The following SLC35F1 variants were observed in gnomAD, a reference collection of about 807,000 sequenced individuals.
The protein encoded by SLC35F1 is solute carrier family 35 member F1.
Under a neutral mutation model 48.7 loss-of-function variants are expected in SLC35F1, and 14 were observed. The observed-to-expected ratio is 0.29, with a 90% CI of 0.19 to 0.45. The LOEUF (loss-of-function observed/expected upper bound fraction) is 0.45. SLC35F1 is among the 20% of genes least tolerant of loss of function. SLC35F1 has a pLI of 1.00. For synonymous variants in SLC35F1, 190 were observed against 202.2 expected, an observed-to-expected ratio of 0.94 and a Z score of 0.51; for missense variants, 404 against 500.0, an observed-to-expected ratio of 0.81 and a Z score of 1.83.
At chr6:118,294,287 T>G (rs754369942) in intron 7 of SLC35F1, among the ~76,000 whole-genome samples, 7 of 152,226 alleles carry the variant, frequency 4.6e-5, no homozygotes, top group Non-Finnish European at 1.0e-4. Context: ...ATTAGTCATT[T>G]TTGGCTGATT....
intron 2 of SLC35F1, among the ~76,000 whole-genome samples, chr6:118,156,250 A>C (rs1235493721): frequency 1.3e-5 from 2 of 152,078 alleles, no homozygotes; most frequent in Admixed American, 1.3e-4. Flanking sequence ...AAAAGCATGA[A>C]ACTGCGTAAA....
At chr6:118,235,716 A>C in intron 3 of SLC35F1, 80 bp downstream of exon 3, 1 of 1,464,176 alleles carries the variant, frequency 6.8e-7, no homozygotes, top group South Asian at 1.3e-5. Flanking sequence ...GAAAATCTCT[A>C]TACTACAAGT....
intron 7 of SLC35F1, among the ~76,000 whole-genome samples, chr6:118,288,617 T>A (rs1158253778): frequency 6.6e-6 from 1 of 152,136 alleles, no homozygotes; most frequent in East Asian, 1.9e-4. Flanking sequence ...AGATTGTAAA[T>A]GTTTCTTATC....
At chr6:118,050,697 G>C (rs749162056) in intron 1 of SLC35F1, among the ~76,000 whole-genome samples, 3 of 152,166 alleles carry the variant, frequency 2.0e-5, no homozygotes, top group Non-Finnish European at 4.4e-5. Context: ...AAGGGGAATG[G>C]GGACTAGCAG....
chr6:117,923,707 G>GCACATATGTACATATATGTATATA lies in SLC35F1; in HGVS notation c.173+15808_173+15809insCACATATGTACATATATGTATATA, dbSNP rs1775960664. On this transcript the variant is annotated intron_variant, in intron 1 of 7. Transcript: ENST00000360388. ...TATACATATGTACATATACATATAT[G>GCACATATGTACATATATGTATATA]TACATATATACATATATACATATGT... Among the ~76,000 whole-genome samples the GCACATATGTACATATATGTATATA allele has an allele frequency of 3.5e-5, 2 of 57,218 alleles. 1 individual carries two copies. The highest frequency in any genetic ancestry group is 1.0e-3 in the East Asian group (2 of 1,912). The allele number at this position is 57,218 out of a possible 152,430, so 37.5% of individuals were successfully genotyped here. A position where few individuals can be genotyped will look rare whatever the true frequency, so the allele number is the denominator to read the frequency against.
intron 1 of SLC35F1, among the ~76,000 whole-genome samples, chr6:118,068,510 T>C (rs1229435374): frequency 2.0e-5 from 3 of 152,234 alleles, no homozygotes; most frequent in South Asian, 4.1e-4. Flanking sequence ...AAATGGTTTT[T>C]CATTTTAATC....
chr6:117,933,546 G>A (rs1776127687), intron 1 of SLC35F1, among the ~76,000 whole-genome samples: 1 of 152,116 alleles, frequency 6.6e-6, no homozygotes, highest in South Asian at 2.1e-4. Flanking sequence ...CAGAACACTG[G>A]TTAGAACTGC....
chr6:117,908,133 C>G (rs1016075538), intron 1 of SLC35F1, among the ~76,000 whole-genome samples: 6 of 152,208 alleles, frequency 3.9e-5, no homozygotes, highest in African/African-American at 1.4e-4. Context: ...GGCGGGAGTT[C>G]GGGGAGAGGC....
At chr6:118,069,000 A>G (rs1367041120) in intron 1 of SLC35F1, among the ~76,000 whole-genome samples, 1 of 152,240 alleles carries the variant, frequency 6.6e-6, no homozygotes, top group Non-Finnish European at 1.5e-5. Context: ...TCATATAGGT[A>G]CTGGAATGAC....
At chr6:118,062,533 T>G (rs1050040913) in intron 1 of SLC35F1, among the ~76,000 whole-genome samples, 16 of 152,208 alleles carry the variant, frequency 1.1e-4, no homozygotes, top group African/African-American at 3.6e-4. Flanking sequence ...ATTAAGTTAT[T>G]ATTGCAACAA....
intron 1 of SLC35F1, among the ~76,000 whole-genome samples, chr6:118,047,862 A>G (rs12192479): frequency 6.6e-6 from 1 of 151,774 alleles, no homozygotes; most frequent in African/African-American, 2.4e-5. Context: ...TCCTAATTGA[A>G]TACCCTTTAT....
At chr6:118,267,331 G>A (rs1030050682) in intron 4 of SLC35F1, among the ~76,000 whole-genome samples, 177 bp downstream of exon 4, 6 of 152,214 alleles carry the variant, frequency 3.9e-5, no homozygotes, top group Non-Finnish European at 7.3e-5. Context: ...GGTGCTTAAT[G>A]CATGTTTCTT....
chr6:118,304,543 A>G (rs1185976355), intron 7 of SLC35F1, among the ~76,000 whole-genome samples: 2 of 152,182 alleles, frequency 1.3e-5, no homozygotes, highest in African/African-American at 4.8e-5. Context: ...TTAAATAGCC[A>G]GTTCCATAAA....
chr6:118,252,753 G>A (rs1775592133), intron 3 of SLC35F1, among the ~76,000 whole-genome samples: 1 of 152,134 alleles, frequency 6.6e-6, no homozygotes, highest in African/African-American at 2.4e-5. Context: ...CAGAGACTAG[G>A]GGAAAGCAGG....
At chr6:118,282,163 A>G (rs1322847435) in intron 6 of SLC35F1, among the ~76,000 whole-genome samples, 3 of 152,234 alleles carry the variant, frequency 2.0e-5, no homozygotes, top group Non-Finnish European at 2.9e-5. Flanking sequence ...ATGCTGATCA[A>G]TTGAAAACCC....
chr6:117,952,306 A>C (rs951928427), intron 1 of SLC35F1, among the ~76,000 whole-genome samples: 3 of 152,114 alleles, frequency 2.0e-5, no homozygotes, highest in Non-Finnish European at 4.4e-5. Context: ...TAGAATGTTC[A>C]ATCAATTTTT....
At chr6:118,214,165 G>T (rs1296382726) in intron 2 of SLC35F1, among the ~76,000 whole-genome samples, 3 of 152,134 alleles carry the variant, frequency 2.0e-5, no homozygotes, top group African/African-American at 7.2e-5. Context: ...ATACGATACT[G>T]TCTGGTACCA....
chr6:118,006,386 G>A (rs184593835), intron 1 of SLC35F1, among the ~76,000 whole-genome samples: 7 of 152,246 alleles, frequency 4.6e-5, no homozygotes, highest in Non-Finnish European at 8.8e-5. Context: ...GGAAGCCAAG[G>A]GGAGAGGATT....
At chr6:118,171,318 A>G (rs1170362386) in intron 2 of SLC35F1, among the ~76,000 whole-genome samples, 1 of 152,220 alleles carries the variant, frequency 6.6e-6, no homozygotes, top group Non-Finnish European at 1.5e-5. Flanking sequence ...GGTGTGAGCT[A>G]CCATGCCCAG....
Sources: gnomAD v4.1 joint callset for allele counts (sites outside exome capture counted in the v4.1 genomes callset) on GRCh38, gnomAD v4.1.1 for gene constraint, MANE v1.5 for transcripts, NCBI Gene and HGNC (gene_info 2026-07-23, HGNC 2026-07-21) for gene names.